The following SGCZ variants were observed in gnomAD, a reference collection of about 807,000 sequenced individuals.
The protein encoded by SGCZ is sarcoglycan zeta, also known as zeta-sarcoglycan.
Under a neutral mutation model 41.3 loss-of-function variants are expected in SGCZ, and 40 were observed. That is an observed-to-expected ratio of 0.97 (90% confidence interval 0.75 to 1.26). SGCZ has a LOEUF of 1.26. Among genes scored for constraint, SGCZ ranks in the 50% most tolerant of loss-of-function variants. The pLI is 0.00. For synonymous variants in SGCZ, 206 were observed against 137.5 expected (o/e 1.50, Z -3.49); for missense variants, 552 against 369.8 (o/e 1.49, Z -4.04).
intron 4 of SGCZ, among the ~76,000 whole-genome samples, chr8:14,208,053 C>T (rs927995883): frequency 1.3e-5 from 2 of 152,088 alleles, no homozygotes; most frequent in African/African-American, 4.8e-5. Context: ...TTATTAAATC[C>T]AATCAACTTT....
chr8:14,838,159 T>C (rs1001768866), intron 1 of SGCZ, among the ~76,000 whole-genome samples: 1 of 151,988 alleles, frequency 6.6e-6, no homozygotes, highest in Non-Finnish European at 1.5e-5. Flanking sequence ...TACCAGAAGC[T>C]AGGAAGGGTA....
At chr8:14,099,073 G>C (rs958923025) in intron 7 of SGCZ, among the ~76,000 whole-genome samples, 4 of 152,118 alleles carry the variant, frequency 2.6e-5, no homozygotes, top group Non-Finnish European at 5.9e-5. Context: ...GGAGTACTTA[G>C]AGAAAATGAT....
At chr8:14,094,588 G>A (rs534746142) in intron 7 of SGCZ, among the ~76,000 whole-genome samples, 47 of 152,184 alleles carry the variant, frequency 3.1e-4, no homozygotes, top group Middle Eastern at 3.4e-3. Context: ...CAGTGCCACA[G>A]TAAACATACG....
chr8:14,747,983 C>G (rs1223990781), intron 1 of SGCZ, among the ~76,000 whole-genome samples: 1 of 151,108 alleles, frequency 6.6e-6, no homozygotes, highest in Non-Finnish European at 1.5e-5. Context: ...ACCTCGGCCA[C>G]AAGGCACTTT....
chr8:14,803,619 G>T (rs961079354), intron 1 of SGCZ, among the ~76,000 whole-genome samples: 4 of 152,126 alleles, frequency 2.6e-5, no homozygotes, highest in Non-Finnish European at 5.9e-5. Flanking sequence ...AGCAGTCTGA[G>T]ATCAAACTGC....
At chr8:14,581,762 A>C (rs17119858) in intron 1 of SGCZ, among the ~76,000 whole-genome samples, 3,237 of 152,306 alleles carry the variant, frequency 0.021, 124 homozygotes, top group African/African-American at 0.073. Context: ...GGATAGTGAT[A>C]AGGGAAATGT....
chr8:14,834,762 C>T (rs1189226772), intron 1 of SGCZ, among the ~76,000 whole-genome samples: 1 of 152,146 alleles, frequency 6.6e-6, no homozygotes, highest in Non-Finnish European at 1.5e-5. Flanking sequence ...ATTTGGAGAG[C>T]ATGTCTTCCT....
chr8:14,633,810 A>C (rs967480112), intron 1 of SGCZ, among the ~76,000 whole-genome samples: 3 of 151,974 alleles, frequency 2.0e-5, no homozygotes, highest in Non-Finnish European at 4.4e-5. Flanking sequence ...TTAAATCTGA[A>C]GGATGAATTA....
At chr8:14,807,573 A>G (rs530744043) in intron 1 of SGCZ, among the ~76,000 whole-genome samples, 110 of 151,962 alleles carry the variant, frequency 7.2e-4, no homozygotes, top group African/African-American at 2.3e-3. Context: ...GCTCAAGGAA[A>G]TAAAAGAGGA....
intron 2 of SGCZ, among the ~76,000 whole-genome samples, chr8:14,536,387 C>T (rs1183865899): frequency 4.6e-5 from 7 of 151,900 alleles, no homozygotes; most frequent in African/African-American, 1.2e-4. Context: ...GCACTGTAAA[C>T]ATACAACATT....
chr8:15,107,736 C>A (rs1806887293), intron 1 of SGCZ, among the ~76,000 whole-genome samples: 1 of 152,136 alleles, frequency 6.6e-6, no homozygotes, highest in South Asian at 2.1e-4. Context: ...ACAAGTTCTC[C>A]ATACCTCAAT....
At chr8:14,480,388 T>A (rs1036960103) in intron 2 of SGCZ, among the ~76,000 whole-genome samples, 1 of 152,162 alleles carries the variant, frequency 6.6e-6, no homozygotes, top group African/African-American at 2.4e-5. Context: ...CTTGGCTAAT[T>A]CTTCTCATCC....
rs191019453 is a variant in SGCZ at position 14,107,085 on chromosome 8, G to A, written c.620+1078C>T. On this transcript the variant is annotated intron_variant, in intron 6 of 7. Transcript: ENST00000382080. ...CAAAAAATTAACCGGGCACAATGGCGGGCGCCTGTAGTCCTAGCTACTCGA... is the reference window on the plus strand; with the variant it reads ...CAAAAAATTAACCGGGCACAATGGCAGGCGCCTGTAGTCCTAGCTACTCGA... Among the ~76,000 whole-genome samples the A allele has an allele frequency of 1.2e-3, 187 of 152,074 alleles. 2 individuals carry two copies. In the East Asian group the frequency reaches 0.028, roughly 22 times the overall value.
chr8:14,408,984 T>TGTGTGTGTGCATGTGTGC lies in SGCZ; in HGVS notation c.235-84781_235-84780insGCACACATGCACACACAC, dbSNP rs1563310549. ...GTGTGTGTGTGTGCATGTGTGCGTG[T>TGTGTGTGTGCATGTGTGC]GTGTGTGTGTGTATTTTGTTTTTGG... On this transcript the variant is annotated intron_variant, in intron 2 of 7. Transcript: ENST00000382080. 3.6e-4 allele frequency among the ~76,000 whole-genome samples: 55 copies of TGTGTGTGTGCATGTGTGC among 151,314 alleles called. 1 individual carries two copies. Among genetic ancestry groups the TGTGTGTGTGCATGTGTGC allele is most frequent in the Middle Eastern group, 3.4e-3 (1 of 292 alleles).
chr8:14,569,180 G>C (rs1011334810), intron 1 of SGCZ, among the ~76,000 whole-genome samples: 1 of 152,046 alleles, frequency 6.6e-6, no homozygotes, highest in Non-Finnish European at 1.5e-5. Context: ...ATATAAAATT[G>C]AGCTATTTAG....
Position 14,714,325 on chromosome 8 carries a change from G to A in SGCZ, c.40-159399C>T, listed in dbSNP as rs146411470. Among the ~76,000 whole-genome samples, 18 of 152,152 alleles carry A rather than the reference G, an allele frequency of 1.2e-4. No individual in the cohort carries two copies. The East Asian group carries it at 3.1e-3, about 26-fold the overall frequency. ...TGAAACAAACTTTTAAAAGTTTATA[G>A]AAGTTAAAAAAAGTAACAGTATCAT... is the stretch of plus-strand genomic sequence containing the variant. On this transcript the variant is annotated intron_variant, in intron 1 of 7. Coordinates refer to ENST00000382080, the MANE Select transcript of SGCZ (RefSeq NM_139167.4).
intron 1 of SGCZ, among the ~76,000 whole-genome samples, chr8:14,557,959 G>A (rs547875526): frequency 6.6e-6 from 1 of 152,176 alleles, no homozygotes; most frequent in East Asian, 1.9e-4. Context: ...CTCCAAATAA[G>A]CACAATTAGA....
chr8:14,928,636 C>G (rs1010187657), intron 1 of SGCZ, among the ~76,000 whole-genome samples: 3 of 152,120 alleles, frequency 2.0e-5, no homozygotes, highest in African/African-American at 4.8e-5. Context: ...AATTATATTA[C>G]TGGGGTCCTC....
intron 1 of SGCZ, among the ~76,000 whole-genome samples, chr8:14,962,257 T>C (rs1418182892): frequency 1.3e-5 from 2 of 152,116 alleles, no homozygotes; most frequent in Non-Finnish European, 2.9e-5. Context: ...GACAACAGTT[T>C]ATATATTTTT....
Sources: allele counts gnomAD v4.1 joint callset (sites outside exome capture counted in the v4.1 genomes callset), GRCh38; gene constraint gnomAD v4.1.1; transcripts MANE v1.5; gene names NCBI Gene and HGNC (gene_info 2026-07-23, HGNC 2026-07-21).